The following CBFA2T3 variants were observed in gnomAD, a reference collection of about 807,000 sequenced individuals.
CBFA2T3 encodes the protein CBFA2/RUNX1 partner transcriptional co-repressor 3.
CBFA2T3 carries 31 observed loss-of-function variants against 58.6 expected under a neutral mutation model. The observed-to-expected ratio is 0.53, with a 90% CI of 0.40 to 0.71. The LOEUF (loss-of-function observed/expected upper bound fraction) is 0.71. CBFA2T3 is among the 30% of genes least tolerant of loss of function. The pLI is 0.00. For missense variants in CBFA2T3, 1,076 were observed against 963.1 expected (o/e 1.12, Z -1.55); for synonymous variants, 531 against 421.9 (o/e 1.26, Z -3.17).
chr16:88,879,406 A>G lies in CBFA2T3; in HGVS notation c.1526T>C (p.Val509Ala). The change falls in exon 11 of 12, where the codon GTG becomes GCG. Residue 509 changes from valine to alanine, a missense_variant. Val to Ala is a moderately conservative substitution (Grantham distance 64). Coordinates refer to ENST00000268679, the MANE Select transcript of CBFA2T3 (RefSeq NM_005187.6). Reference sequence around the variant, plus strand: ...GTGCGCTTTGCGCTCCGCGTCCGACACGGCTTTCTGCAGCTCCGACATGGC... The same window carrying G: ...GTGCGCTTTGCGCTCCGCGTCCGACGCGGCTTTCTGCAGCTCCGACATGGC... ...RQAMSELQKA[V>A]SDAERKAHEL... The G allele has an allele frequency of 6.2e-7, 1 of 1,613,092 alleles. No individual in the cohort carries two copies. Among genetic ancestry groups the G allele is most frequent in the Non-Finnish European group, 8.5e-7 (1 of 1,179,710 alleles).
chr16:88,935,627 C>A (rs920552685), intron 1 of CBFA2T3, among the ~76,000 whole-genome samples: 1 of 152,214 alleles, frequency 6.6e-6, no homozygotes, highest in African/African-American at 2.4e-5. Context: ...GTGCCAGAGT[C>A]TGACCATCGA....
intron 1 of CBFA2T3, among the ~76,000 whole-genome samples, chr16:88,924,772 G>A (rs1380622282): frequency 1.3e-5 from 2 of 152,244 alleles, no homozygotes; most frequent in Non-Finnish European, 2.9e-5. Flanking sequence ...GGCACTGGGG[G>A]CCAAGCAGGT....
chr16:88,898,977 G>A (rs1969998891), intron 2 of CBFA2T3, among the ~76,000 whole-genome samples: 3 of 152,196 alleles, frequency 2.0e-5, no homozygotes, highest in South Asian at 2.1e-4. Flanking sequence ...GGGTAATCAA[G>A]GGCAGGATAA....
intron 1 of CBFA2T3, among the ~76,000 whole-genome samples, chr16:88,903,203 G>A (rs1460673694): frequency 6.6e-6 from 1 of 152,262 alleles, no homozygotes; most frequent in Non-Finnish European, 1.5e-5. Context: ...CTTCTACAGC[G>A]ATCACATGCC....
rs929400245 is a variant in CBFA2T3, at chr16:88,901,716, C to T, written c.152-60G>A. ...CAGGCTAAGTGCAAAGGCCAGGGCC[C>T]GCAGCCCCACGGTTCCCAGCGAAGG... On this transcript the variant is annotated intron_variant, in intron 1 of 11. Coordinates refer to ENST00000268679, the MANE Select transcript of CBFA2T3 (RefSeq NM_005187.6). The T allele has an allele frequency of 1.4e-5, 20 of 1,440,174 alleles. No homozygotes were observed. In the South Asian group the frequency reaches 1.5e-4, roughly 11 times the overall value. 89.2% of individuals were successfully genotyped at this position (1,440,174 alleles called of 1,614,324 possible).
chr16:88,922,619 G>A (rs1970958479), intron 1 of CBFA2T3, among the ~76,000 whole-genome samples: 1 of 152,200 alleles, frequency 6.6e-6, no homozygotes, highest in Non-Finnish European at 1.5e-5. Context: ...TCCCGAGGGC[G>A]GGGTCAAGAA....
chr16:88,956,410 C>T (rs912778425), intron 1 of CBFA2T3, among the ~76,000 whole-genome samples: 2 of 152,246 alleles, frequency 1.3e-5, no homozygotes, highest in Non-Finnish European at 1.5e-5. Flanking sequence ...GCTCTCTGCT[C>T]TTTGAGCCCA....
chr16:88,882,598 G>A (rs570153559), intron 8 of CBFA2T3, 78 bp downstream of exon 8: 62 of 827,204 alleles, frequency 7.5e-5, no homozygotes, highest in Middle Eastern at 6.8e-4. Context: ...GTGCATGGCT[G>A]TGTGTGCGTG....
intron 1 of CBFA2T3, among the ~76,000 whole-genome samples, 197 bp downstream of exon 1, chr16:88,976,460 C>G (rs1972863666): frequency 6.6e-6 from 1 of 152,192 alleles, no homozygotes; most frequent in Admixed American, 6.5e-5. Flanking sequence ...CAAACCCTCA[C>G]CAGCCCACCT....
chr16:88,976,958 G>T lies in CBFA2T3; in HGVS notation c.-151C>A. The T allele has an allele frequency of 1.1e-6, 1 of 902,402 alleles. No homozygotes were observed. The highest frequency in any genetic ancestry group is 3.5e-4 in the Middle Eastern group (1 of 2,884). The allele number at this position is 902,402 out of a possible 1,614,324, so 55.9% of individuals were successfully genotyped here. On this transcript the variant is annotated 5_prime_UTR_variant, in exon 1 of 12. Coordinates refer to ENST00000268679, the MANE Select transcript of CBFA2T3 (RefSeq NM_005187.6). ...TGGGCCTCTGTCCCTGGAAAGCCGA[G>T]GCCCTCCCGGCCACCAACTGGGTGT... is the stretch of plus-strand genomic sequence containing the variant.
chr16:88,913,617 C>T (rs190080885), intron 1 of CBFA2T3, among the ~76,000 whole-genome samples: 561 of 152,330 alleles, frequency 3.7e-3, no homozygotes, highest in Middle Eastern at 0.014. Context: ...ACTTGCCCTC[C>T]GCTACTCCAC....
intron 1 of CBFA2T3, among the ~76,000 whole-genome samples, chr16:88,965,500 A>C (rs1972478610): frequency 6.6e-6 from 1 of 152,250 alleles, no homozygotes. Flanking sequence ...CGCCAGCCAC[A>C]GGCCCCGAAT....
intron 5 of CBFA2T3, among the ~76,000 whole-genome samples, chr16:88,887,833 C>T (rs1969442916): frequency 6.6e-6 from 1 of 152,126 alleles, no homozygotes; most frequent in South Asian, 2.1e-4. Flanking sequence ...CTGAAGCTGC[C>T]CTCTGCACAG....
intron 8 of CBFA2T3, 100 bp downstream of exon 8, chr16:88,882,576 G>C: frequency 2.4e-6 from 1 of 416,142 alleles, no homozygotes; most frequent in Non-Finnish European, 4.1e-6. Context: ...ATGGCTGTGG[G>C]CGTGGCTGTG....
chr16:88,917,200 C>T (rs1970766762), intron 1 of CBFA2T3, among the ~76,000 whole-genome samples: 1 of 152,234 alleles, frequency 6.6e-6, no homozygotes. Flanking sequence ...CTGCCCTCTG[C>T]ACAGCCACAT....
chr16:88,898,420 G>A (rs1007659988), intron 2 of CBFA2T3, among the ~76,000 whole-genome samples: 4 of 152,206 alleles, frequency 2.6e-5, no homozygotes, highest in Admixed American at 6.5e-5. Flanking sequence ...TTCTGACGGG[G>A]CTCTGTCACC....
intron 1 of CBFA2T3, among the ~76,000 whole-genome samples, chr16:88,912,593 G>A (rs1597717332): frequency 6.6e-6 from 1 of 152,152 alleles, no homozygotes. Context: ...CCAGCCACTC[G>A]TCAATGTCTG....
At chr16:88,935,222 C>T (rs968355744) in intron 1 of CBFA2T3, among the ~76,000 whole-genome samples, 2 of 152,266 alleles carry the variant, frequency 1.3e-5, no homozygotes, top group African/African-American at 2.4e-5. Flanking sequence ...ATGTCTCTGG[C>T]GCAGGAGAGG....
chr16:88,968,903 GAC>G (rs1489099747), intron 1 of CBFA2T3, among the ~76,000 whole-genome samples: 1 of 152,102 alleles, frequency 6.6e-6, no homozygotes, highest in Non-Finnish European at 1.5e-5. Context: ...GACCCCCATG[GAC>G]CATAACCCCT....
Sources: gnomAD v4.1 joint callset for allele counts (sites outside exome capture counted in the v4.1 genomes callset) on GRCh38, gnomAD v4.1.1 for gene constraint, MANE v1.5 for transcripts, NCBI Gene and HGNC (gene_info 2026-07-23, HGNC 2026-07-21) for gene names.